ASPH: variants seen among roughly 807,000 people sequenced by gnomAD.
ASPH encodes the protein aspartate beta-hydroxylase.
Under a neutral mutation model 118.4 loss-of-function variants are expected in ASPH, and 100 were observed. That is an observed-to-expected ratio of 0.84 (90% CI 0.72 to 1.00). ASPH has a LOEUF of 1.00. ASPH is among the 50% of genes least tolerant of loss of function. ASPH has a pLI of 0.00. For missense variants in ASPH, 920 were observed against 919.5 expected (o/e 1.00, Z -0.01); for synonymous variants, 315 against 325.6 (o/e 0.97, Z 0.35).
At chr8:61,627,106 C>T (rs1035462805) in intron 13 of ASPH, among the ~76,000 whole-genome samples, 9 of 152,078 alleles carry the variant, frequency 5.9e-5, no homozygotes, top group African/African-American at 1.9e-4. Flanking sequence ...TCTATATATA[C>T]CTTTACATAC....
At chr8:61,625,489 G>A (rs1366834544) in intron 13 of ASPH, 13 of 985,118 alleles carry the variant, frequency 1.3e-5, no homozygotes, top group Non-Finnish European at 1.6e-5. Context: ...AGAGACTATA[G>A]CTATTATATG....
chr8:61,533,780 T>C (rs1007295293), intron 21 of ASPH, among the ~76,000 whole-genome samples: 9 of 152,242 alleles, frequency 5.9e-5, no homozygotes, highest in African/African-American at 2.2e-4. Context: ...TGCCAAATCA[T>C]CTACTTCTGT....
At chr8:61,580,622 C>T in intron 15 of ASPH, among the ~76,000 whole-genome samples, 1 of 152,198 alleles carries the variant, frequency 6.6e-6, no homozygotes, top group East Asian at 1.9e-4. Context: ...GTGCTCTATC[C>T]AGAGGTTTTA....
chr8:61,518,895 G>A (rs1811907123), intron 22 of ASPH, among the ~76,000 whole-genome samples: 1 of 152,126 alleles, frequency 6.6e-6, no homozygotes, highest in Admixed American at 6.5e-5. Context: ...TTGCAGCATT[G>A]CATTAAACAC....
intron 18 of ASPH, among the ~76,000 whole-genome samples, chr8:61,558,043 C>A (rs1459856110): frequency 1.3e-5 from 2 of 152,200 alleles, no homozygotes; most frequent in Admixed American, 6.5e-5. Flanking sequence ...CTCTTCCAGG[C>A]CCTGGGCATA....
At chr8:61,699,762 A>G (rs2151854432) in intron 1 of ASPH, among the ~76,000 whole-genome samples, 2 of 152,354 alleles carry the variant, frequency 1.3e-5, no homozygotes, top group East Asian at 3.9e-4. Flanking sequence ...AAAATTTCTA[A>G]GAGAGATATC....
chr8:61,685,134 C>T (rs1207400314), intron 1 of ASPH, among the ~76,000 whole-genome samples: 3 of 152,066 alleles, frequency 2.0e-5, no homozygotes, highest in Non-Finnish European at 4.4e-5. Flanking sequence ...TCACGGTGTC[C>T]TGCCACTATT....
At chr8:61,572,919 A>C (rs964756725) in intron 16 of ASPH, among the ~76,000 whole-genome samples, 2 of 152,200 alleles carry the variant, frequency 1.3e-5, no homozygotes, top group African/African-American at 4.8e-5. Flanking sequence ...AGGAAGTCAA[A>C]TTGTCTCTGT....
At chr8:61,650,342 A>G (rs1035380731) in intron 5 of ASPH, among the ~76,000 whole-genome samples, 2 of 152,102 alleles carry the variant, frequency 1.3e-5, no homozygotes, top group Non-Finnish European at 2.9e-5. Context: ...AAGAAACGTA[A>G]TTTTATTTTC....
In ASPH at chr8:61,680,950, CAT is replaced by C. The variant is rs1473388378; in HGVS notation, c.322+16_322+17del. ...GCATTTTATCACCACTAACAAAAAACATAAAATGTGTACTTGCCTAATAAAAC... is the reference window on the plus strand; with the variant it reads ...GCATTTTATCACCACTAACAAAAAACAAAATGTGTACTTGCCTAATAAAAC... On this transcript the variant is annotated intron_variant, in intron 3 of 24. Coordinates refer to ENST00000379454, the MANE Select transcript of ASPH (RefSeq NM_004318.4). The C allele has an allele frequency of 1.3e-6, 2 of 1,573,666 alleles. No homozygotes were observed. Among genetic ancestry groups the C allele is most frequent in the South Asian group, 1.2e-5 (1 of 83,558 alleles).
intron 21 of ASPH, among the ~76,000 whole-genome samples, chr8:61,547,141 G>A (rs1824191124): frequency 6.6e-6 from 1 of 152,168 alleles, no homozygotes; most frequent in African/African-American, 2.4e-5. Flanking sequence ...TTTTATGACT[G>A]TCTAAGAAGA....
At chr8:61,710,605 G>T (rs1217486934) in intron 1 of ASPH, among the ~76,000 whole-genome samples, 1 of 152,164 alleles carries the variant, frequency 6.6e-6, no homozygotes, top group Non-Finnish European at 1.5e-5. Flanking sequence ...CATATGATTT[G>T]GTCAGGATGG....
At chr8:61,609,142 C>T (rs1371334522) in intron 14 of ASPH, among the ~76,000 whole-genome samples, 2 of 152,142 alleles carry the variant, frequency 1.3e-5, no homozygotes, top group African/African-American at 4.8e-5. Context: ...GAGCTCATGC[C>T]CTGCTACCTT....
At chr8:61,648,691 T>G (rs866172589) in intron 5 of ASPH, among the ~76,000 whole-genome samples, 2 of 152,192 alleles carry the variant, frequency 1.3e-5, no homozygotes, top group Non-Finnish European at 2.9e-5. Context: ...AAAAATTTCC[T>G]AAGGGGTCAT....
chr8:61,600,328 G>A (rs1843626220), intron 14 of ASPH, among the ~76,000 whole-genome samples: 1 of 147,532 alleles, frequency 6.8e-6, no homozygotes, highest in Non-Finnish European at 1.5e-5. Flanking sequence ...ATAAGAAAAA[G>A]GTGTTTACTT....
rs1366154438 is a variant in ASPH at position 61,548,077 on chromosome 8, T to C, written c.1758A>G (p.Leu586=). ...ATGTCTAAGTTATACTTACCTTTAC[T>C]AACTCTGTGTAGCCCGTTTCTTTTG... is the stretch of plus-strand genomic sequence containing the variant. ...WTPKETGYTE[L]VKSLERNWKL... Residue 586 remains leucine (L), a synonymous_variant, in exon 21 of 25, where the codon TTA becomes TTG. Transcript: ENST00000379454. 6.2e-7 allele frequency: 1 copy of C among 1,613,196 alleles called. No individual in the cohort carries two copies. Among genetic ancestry groups the C allele is most frequent in the African/African-American group, 1.3e-5 (1 of 74,890 alleles).
At chr8:61,679,030 G>T (rs1826644768) in intron 3 of ASPH, among the ~76,000 whole-genome samples, 1 of 152,030 alleles carries the variant, frequency 6.6e-6, no homozygotes, top group South Asian at 2.1e-4. Flanking sequence ...AACCAGAAAA[G>T]AACTTCAGTC....
intron 13 of ASPH, chr8:61,626,095 G>T (rs1170147755): frequency 8.1e-7 from 1 of 1,237,850 alleles, no homozygotes; most frequent in African/African-American, 1.6e-5. Context: ...TTTCTAAAAA[G>T]AAAAAAAAAT....
At chr8:61,563,781 C>T (rs1297178597) in intron 17 of ASPH, among the ~76,000 whole-genome samples, 1 of 152,212 alleles carries the variant, frequency 6.6e-6, no homozygotes, top group Non-Finnish European at 1.5e-5. Context: ...ATCTGCCCAC[C>T]TAGGCTCACA....
Sources: gnomAD v4.1 joint callset for allele counts (sites outside exome capture counted in the v4.1 genomes callset) on GRCh38, gnomAD v4.1.1 for gene constraint, MANE v1.5 for transcripts, NCBI Gene and HGNC (gene_info 2026-07-23, HGNC 2026-07-21) for gene names.